PUS10: variants seen among roughly 807,000 people sequenced by gnomAD.
The protein encoded by PUS10 is pseudouridine synthase 10.
Under a neutral mutation model 75.0 loss-of-function variants are expected in PUS10, and 59 were observed. The ratio of observed to expected loss-of-function variants is 0.79; its 90% CI spans 0.64 to 0.98. The LOEUF is 0.98. Ranked by LOEUF, PUS10 falls within the 50% of genes least tolerant of loss-of-function variation. The pLI is 0.00. For missense variants in PUS10, 650 were observed against 614.4 expected, an observed-to-expected ratio of 1.06 and a Z score of -0.61; for synonymous variants, 219 against 211.6, an observed-to-expected ratio of 1.03 and a Z score of -0.30.
chr2:60,972,602 A>G (rs1408263909), intron 4 of PUS10, among the ~76,000 whole-genome samples: 1 of 152,246 alleles, frequency 6.6e-6, no homozygotes, highest in Non-Finnish European at 1.5e-5. Context: ...TGTCCCCCAC[A>G]GCACACAGCA....
At chr2:60,987,400 G>T (rs931452290) in intron 4 of PUS10, among the ~76,000 whole-genome samples, 2 of 152,180 alleles carry the variant, frequency 1.3e-5, no homozygotes, top group East Asian at 3.9e-4. Flanking sequence ...GGAAGGGAGG[G>T]AGGAAGAAAG....
intron 4 of PUS10, 122 bp downstream of exon 4, chr2:61,006,435 A>G: frequency 1.4e-6 from 1 of 720,996 alleles, no homozygotes; most frequent in Non-Finnish European, 2.3e-6. Context: ...TGCTTCAATC[A>G]TTCAATAAGT....
At chr2:60,968,491 A>G (rs892851555) in intron 5 of PUS10, among the ~76,000 whole-genome samples, 4 of 152,076 alleles carry the variant, frequency 2.6e-5, no homozygotes, top group African/African-American at 9.7e-5. Flanking sequence ...TTAATGCCCA[A>G]TTTTCACTGA....
At chr2:60,967,951 T>C (rs758910850) in intron 5 of PUS10, among the ~76,000 whole-genome samples, 2 of 152,136 alleles carry the variant, frequency 1.3e-5, no homozygotes, top group African/African-American at 2.4e-5. Flanking sequence ...ATAGAGATGA[T>C]TGGTTTACTG....
intron 2 of PUS10, chr2:61,009,811 T>C (rs1263649494): frequency 6.6e-6 from 1 of 152,292 alleles, no homozygotes; most frequent in African/African-American, 2.4e-5. Context: ...CAGATGACAA[T>C]TTACTGACTG....
intron 4 of PUS10, among the ~76,000 whole-genome samples, chr2:60,996,454 G>A (rs1678466465): frequency 6.6e-6 from 1 of 152,166 alleles, no homozygotes; most frequent in South Asian, 2.1e-4. Context: ...TCATCACTCT[G>A]GTGATCTTCT....
intron 8 of PUS10, among the ~76,000 whole-genome samples, chr2:60,964,782 TCA>T (rs1381015063): frequency 1.3e-5 from 2 of 152,170 alleles, no homozygotes; most frequent in Non-Finnish European, 2.9e-5. Context: ...AATAGTAACA[TCA>T]CTGAAACACT....
chr2:61,012,545 G>A (rs1346309241), intron 1 of PUS10, among the ~76,000 whole-genome samples: 1 of 151,576 alleles, frequency 6.6e-6, no homozygotes, highest in Non-Finnish European at 1.5e-5. Flanking sequence ...ACTCAAATTT[G>A]GTCAGGCACA....
At chr2:61,017,650 C>T in intron 1 of PUS10, 2 of 787,196 alleles carry the variant, frequency 2.5e-6, no homozygotes, top group Non-Finnish European at 4.1e-6. Flanking sequence ...CAAGGGTGGG[C>T]GGGGTGGACG....
chr2:60,992,205 G>A (rs114305581), intron 4 of PUS10, among the ~76,000 whole-genome samples: 60 of 152,060 alleles, frequency 3.9e-4, no homozygotes, highest in African/African-American at 1.3e-3. Flanking sequence ...TAGTAGAGAC[G>A]GGTTTTCGCC....
intron 4 of PUS10, among the ~76,000 whole-genome samples, chr2:61,002,552 A>G (rs1277980016): frequency 6.6e-6 from 1 of 152,152 alleles, no homozygotes; most frequent in African/African-American, 2.4e-5. Context: ...GGCTACAGTG[A>G]TCCTCCCACC....
At chr2:60,957,444 G>A (rs1409854540) in intron 11 of PUS10, among the ~76,000 whole-genome samples, 2 of 152,242 alleles carry the variant, frequency 1.3e-5, no homozygotes, top group East Asian at 3.8e-4. Context: ...CCCAGGCACT[G>A]TGGTGCCCAG....
chr2:61,015,729 A>C (rs1398091267), intron 1 of PUS10, among the ~76,000 whole-genome samples: 1 of 152,124 alleles, frequency 6.6e-6, no homozygotes, highest in Non-Finnish European at 1.5e-5. Flanking sequence ...CTGTGTGGTC[A>C]AGGTCAAGTC....
In PUS10 at chr2:60,956,772, G is replaced by A. The variant is rs111293564; in HGVS notation, c.1001-1698C>T. 5.7e-4 allele frequency among the ~76,000 whole-genome samples: 86 copies of A among 151,932 alleles called. 1 individual carries two copies. Among genetic ancestry groups the A allele is most frequent in the East Asian group, 3.9e-4 (2 of 5,184 alleles). On this transcript the variant is annotated intron_variant, in intron 11 of 17. Coordinates refer to ENST00000316752, the MANE Select transcript of PUS10 (RefSeq NM_144709.4). ...AGGTGGATCACGAAGTCAGAAGATC[G>A]AGACCATCCTGGCTAACTTGGTGAA...
At chr2:60,973,890 G>A (rs527530049) in intron 4 of PUS10, among the ~76,000 whole-genome samples, 280 of 152,358 alleles carry the variant, frequency 1.8e-3, no homozygotes, top group Non-Finnish European at 3.1e-3. Flanking sequence ...GACCCAAAGA[G>A]ATGAGGGGAC....
intron 4 of PUS10, among the ~76,000 whole-genome samples, chr2:60,992,799 A>G (rs1479145672): frequency 6.6e-6 from 1 of 152,200 alleles, no homozygotes. Context: ...GCTACTGGCA[A>G]TAACATTTTA....
chr2:61,017,511 T>C, intron 1 of PUS10: 1 of 466,044 alleles, frequency 2.1e-6, no homozygotes, highest in Non-Finnish European at 3.9e-6. Context: ...GATGAGCCTT[T>C]ACCCTGAGGT....
intron 5 of PUS10, among the ~76,000 whole-genome samples, chr2:60,969,460 C>T (rs1193043711): frequency 6.6e-6 from 1 of 152,210 alleles, no homozygotes; most frequent in Non-Finnish European, 1.5e-5. Flanking sequence ...AAAGTAAATT[C>T]AGTCCCCATT....
intron 4 of PUS10, among the ~76,000 whole-genome samples, chr2:60,971,768 T>A (rs978356096): frequency 6.6e-6 from 1 of 152,200 alleles, no homozygotes; most frequent in Non-Finnish European, 1.5e-5. Context: ...GGTGGTTTAC[T>A]GTGGCCTAGG....
Sources: gnomAD v4.1 joint callset for allele counts (sites outside exome capture counted in the v4.1 genomes callset) on GRCh38, gnomAD v4.1.1 for gene constraint, MANE v1.5 for transcripts, NCBI Gene and HGNC (gene_info 2026-07-23, HGNC 2026-07-21) for gene names.